RHOT1: variants seen among roughly 807,000 people sequenced by gnomAD.
RHOT1 encodes mitochondrial Rho GTPase 1.
A neutral mutation model predicts 95.3 loss-of-function variants in RHOT1; 27 were observed. The observed-to-expected ratio is 0.28, with a 90% CI of 0.21 to 0.39. The LOEUF is 0.39. RHOT1 is among the 10% of genes least tolerant of loss of function. RHOT1 has a pLI of 1.00. For synonymous variants in RHOT1, 227 were observed against 263.5 expected (o/e 0.86, Z 1.34); for missense variants, 578 against 786.7 (o/e 0.73, Z 3.17).
In RHOT1 at chr17:32,199,009, G is replaced by A. The variant is rs1488582579; in HGVS notation, c.932G>A (p.Ser311Asn). 3 of 1,609,760 alleles carry A rather than the reference G, an allele frequency of 1.9e-6. No homozygotes were observed. Among genetic ancestry groups the A allele is most frequent in the Admixed American group, 1.7e-5 (1 of 59,962 alleles). Reference sequence around the variant, plus strand: ...CATCATGCATATTTATTTCTCCAAAGCACCTTTGACAAGCATGATTTGGTA... The same window carrying A: ...CATCATGCATATTTATTTCTCCAAAACACCTTTGACAAGCATGATTTGGTA... Reference protein sequence around the residue: ...LNHHAYLFLQSTFDKHDLDRD... With the variant: ...LNHHAYLFLQNTFDKHDLDRD... The change falls in exon 12 of 20, where the codon AGC becomes AAC. Residue 311 changes from serine (S) to asparagine (N), a missense_variant. Coordinates refer to ENST00000545287, the MANE Select transcript of RHOT1 (RefSeq NM_001033566.3).
chr17:32,150,877 G>T, intron 1 of RHOT1: 1 of 1,538,482 alleles, frequency 6.5e-7, no homozygotes, highest in East Asian at 2.3e-5. Context: ...GGGAGAAAAA[G>T]CATAAGCACT....
At chr17:32,200,088 G>A (rs1240402409) in intron 13 of RHOT1, among the ~76,000 whole-genome samples, 1 of 151,450 alleles carries the variant, frequency 6.6e-6, no homozygotes, top group Admixed American at 6.6e-5. Flanking sequence ...TCAGCACATT[G>A]TGGACATTTT....
chr17:32,224,097 G>T (rs542249988), intron 19 of RHOT1, among the ~76,000 whole-genome samples: 6 of 152,234 alleles, frequency 3.9e-5, no homozygotes, highest in East Asian at 1.9e-4. Context: ...TTTTTGGGGG[G>T]TTTTTTGTAA....
intron 19 of RHOT1, among the ~76,000 whole-genome samples, chr17:32,212,385 A>C (rs2038191487): frequency 2.6e-5 from 4 of 152,188 alleles, no homozygotes. Flanking sequence ...CTTTGAAGGG[A>C]TCACCGCACC....
At chr17:32,160,849 C>T (rs114479785) in intron 1 of RHOT1, among the ~76,000 whole-genome samples, 251 of 152,270 alleles carry the variant, frequency 1.6e-3, no homozygotes, top group Middle Eastern at 6.8e-3. Flanking sequence ...CCAGGCTGGT[C>T]GTGTGAGTTG....
At chr17:32,174,383 G>A (rs1993791) in intron 3 of RHOT1, among the ~76,000 whole-genome samples, 42,815 of 151,884 alleles carry the variant, frequency 0.28, 7,942 homozygotes, top group African/African-American at 0.53. Context: ...TGAAAACTAT[G>A]TATGTGGCTT....
At chr17:32,154,213 A>G (rs1004399845) in intron 1 of RHOT1, among the ~76,000 whole-genome samples, 5 of 151,332 alleles carry the variant, frequency 3.3e-5, no homozygotes, top group Non-Finnish European at 7.4e-5. Flanking sequence ...GGCCAAGGCA[A>G]GAGACTCACT....
chr17:32,161,441 A>G (rs1015350800), intron 1 of RHOT1, among the ~76,000 whole-genome samples: 2 of 152,218 alleles, frequency 1.3e-5, no homozygotes, highest in Non-Finnish European at 2.9e-5. Context: ...GGAAAGTTAC[A>G]AATCTCCTGA....
chr17:32,212,123 C>G (rs2038174430), intron 19 of RHOT1, among the ~76,000 whole-genome samples: 1 of 152,126 alleles, frequency 6.6e-6, no homozygotes, highest in African/African-American at 2.4e-5. Flanking sequence ...TAAGATCAAG[C>G]TAAATATTCA....
chr17:32,192,330 A>C, intron 9 of RHOT1, 31 bp downstream of exon 9: 1 of 776,108 alleles, frequency 1.3e-6, no homozygotes, highest in Non-Finnish European at 2.0e-6. Flanking sequence ...ACATTTGCGT[A>C]TCTTTTTTTT....
chr17:32,170,304 A>G (rs970143206), intron 1 of RHOT1, among the ~76,000 whole-genome samples: 3 of 152,054 alleles, frequency 2.0e-5, no homozygotes, highest in African/African-American at 7.2e-5. Context: ...AATCCCAGCT[A>G]CTTTGGAGGC....
At chr17:32,209,980 C>T (rs180969946) in intron 18 of RHOT1, among the ~76,000 whole-genome samples, 1 of 151,788 alleles carries the variant, frequency 6.6e-6, no homozygotes, top group East Asian at 1.9e-4. Context: ...TGTCTTGGGC[C>T]TATACAAGTT....
At position 32,225,496 on chromosome 17, in the gene RHOT1, C is replaced by A. The variant is rs549459141; in HGVS notation, c.*763C>A. 7.2e-5 allele frequency: 11 copies of A among 152,670 alleles called. No individual in the cohort carries two copies. In the East Asian group the frequency reaches 2.1e-3, roughly 29 times the overall value. 9.5% of individuals were successfully genotyped at this position (152,670 alleles called of 1,614,324 possible). ...TTTAAATAAAGAGTCACCCTTACTA[C>A]TGTTGAATTTCATCCCAAGTGTAAA... On this transcript the variant is annotated 3_prime_UTR_variant, in exon 20 of 20. Coordinates refer to ENST00000545287, the MANE Select transcript of RHOT1 (RefSeq NM_001033566.3).
chr17:32,223,390 C>T (rs2038947655), intron 19 of RHOT1, among the ~76,000 whole-genome samples: 1 of 149,444 alleles, frequency 6.7e-6, no homozygotes, highest in African/African-American at 2.5e-5. Context: ...TCTCTAAGCT[C>T]TTAATTTTGT....
intron 6 of RHOT1, among the ~76,000 whole-genome samples, chr17:32,177,754 CA>C (rs765273097): frequency 3.7e-3 from 325 of 87,038 alleles, no homozygotes; most frequent in Non-Finnish European, 4.3e-3. Context: ...GACTCCGTCT[CA>C]AAAAAAAAAA....
At chr17:32,143,051 C>CT (rs1567641692) in intron 1 of RHOT1, 2 of 679,206 alleles carry the variant, frequency 2.9e-6, no homozygotes. Flanking sequence ...TTCTCTCCTC[C>CT]TTTTCCTCTT....
intron 19 of RHOT1, among the ~76,000 whole-genome samples, chr17:32,215,109 G>A (rs559731054): frequency 1.3e-5 from 2 of 151,728 alleles, no homozygotes; most frequent in African/African-American, 2.4e-5. Flanking sequence ...TCTCAAACTG[G>A]TCTCGAACTC....
At chr17:32,175,759 T>C (rs1329015359) in intron 4 of RHOT1, among the ~76,000 whole-genome samples, 1 of 152,232 alleles carries the variant, frequency 6.6e-6, no homozygotes, top group Non-Finnish European at 1.5e-5. Context: ...TTTATTGTTA[T>C]GGCTGTTACT....
At position 32,142,542 on chromosome 17, in the gene RHOT1, C is replaced by T. The variant is rs542442889; in HGVS notation, c.-151C>T. 3 of 580,168 alleles carry T rather than the reference C, an allele frequency of 5.2e-6. No homozygotes were observed. Among genetic ancestry groups the T allele is most frequent in the Admixed American group, 4.3e-5 (1 of 23,452 alleles). 35.9% of individuals were successfully genotyped at this position (580,168 alleles called of 1,614,324 possible). On this transcript the variant is annotated 5_prime_UTR_variant, in exon 1 of 20. Coordinates refer to ENST00000545287, the MANE Select transcript of RHOT1 (RefSeq NM_001033566.3). ...GGAGGAGGCGGAGCTGGCGCTGTCCCGGCTCTCTTGCGGGGAAGCAACTGA... is the reference window on the plus strand; with the variant it reads ...GGAGGAGGCGGAGCTGGCGCTGTCCTGGCTCTCTTGCGGGGAAGCAACTGA...
Sources: allele counts gnomAD v4.1 joint callset (sites outside exome capture counted in the v4.1 genomes callset), GRCh38; gene constraint gnomAD v4.1.1; transcripts MANE v1.5; gene names NCBI Gene and HGNC (gene_info 2026-07-23, HGNC 2026-07-21).